PTPRO: variants seen among roughly 807,000 people sequenced by gnomAD.
PTPRO encodes protein tyrosine phosphatase receptor type O, also known as receptor-type tyrosine-protein phosphatase O.
PTPRO carries 62 observed loss-of-function variants against 145.2 expected under a neutral mutation model. The ratio of observed to expected loss-of-function variants is 0.43; its 90% CI spans 0.35 to 0.53. The LOEUF (loss-of-function observed/expected upper bound fraction) is 0.53, where lower values mean the gene tolerates loss of function less well. Ranked by LOEUF, PTPRO falls within the 20% of genes least tolerant of loss-of-function variation. PTPRO has a pLI of 0.01. For synonymous variants in PTPRO, 565 were observed against 514.7 expected, an observed-to-expected ratio of 1.10 and a Z score of -1.32; for missense variants, 1,345 against 1,482.7, an observed-to-expected ratio of 0.91 and a Z score of 1.53.
intron 1 of PTPRO, among the ~76,000 whole-genome samples, chr12:15,403,368 A>G (rs981415638): frequency 6.6e-6 from 1 of 152,056 alleles, no homozygotes; most frequent in African/African-American, 2.4e-5. Flanking sequence ...GGATCACCTG[A>G]GGTCAGGAGT....
At chr12:15,539,853 A>T (rs1943145903) in intron 12 of PTPRO, among the ~76,000 whole-genome samples, 1 of 141,348 alleles carries the variant, frequency 7.1e-6, no homozygotes, top group African/African-American at 2.6e-5. Context: ...AGAAAATTTT[A>T]TTTTTATATA....
At chr12:15,457,462 G>A (rs965565093) in intron 1 of PTPRO, among the ~76,000 whole-genome samples, 2 of 152,108 alleles carry the variant, frequency 1.3e-5, no homozygotes, top group African/African-American at 2.4e-5. Flanking sequence ...AGTCTTCATG[G>A]AGAGTTTAAT....
intron 12 of PTPRO, among the ~76,000 whole-genome samples, chr12:15,545,638 C>T (rs1490216725): frequency 6.6e-6 from 1 of 151,892 alleles, no homozygotes; most frequent in Non-Finnish European, 1.5e-5. Context: ...GCTTCCTTTA[C>T]GAATGGATTT....
At chr12:15,461,405 T>G (rs1941298508) in intron 1 of PTPRO, among the ~76,000 whole-genome samples, 1 of 152,140 alleles carries the variant, frequency 6.6e-6, no homozygotes, top group Non-Finnish European at 1.5e-5. Flanking sequence ...TGGACATATG[T>G]GCTCAGTGTC....
Position 15,546,661 on chromosome 12 carries a change from G to A in PTPRO, c.2257G>A (p.Glu753Lys). ...GGAAGAGGGAGTAGCTGATTTCTTT[G>A]AAGTTTTCTGTCAACAAGTTGGCTC... The part of the protein sequence containing the change: ...WVEEGVADFF[E>K]VFCQQVGSSQ... The change falls in exon 13 of 27, where the codon GAA (glutamate) becomes AAA (lysine). Residue 753 changes from glutamate to lysine, a missense_variant. Physicochemically the swap from Glu to Lys is moderately conservative, Grantham distance 56. This residue lies in a region of PTPRO where 1,130 missense variants were observed against 1,214.7 expected (regional missense o/e 0.93). Coordinates refer to ENST00000281171, the MANE Select transcript of PTPRO (RefSeq NM_030667.3). 1 of 1,613,952 alleles carries A rather than the reference G, an allele frequency of 6.2e-7. No individual in the cohort carries two copies. The highest frequency in any genetic ancestry group is 8.5e-7 in the Non-Finnish European group (1 of 1,179,918).
chr12:15,334,926 C>G (rs1242584912), intron 1 of PTPRO, among the ~76,000 whole-genome samples: 1 of 152,078 alleles, frequency 6.6e-6, no homozygotes, highest in Non-Finnish European at 1.5e-5. Context: ...TTACACAAGT[C>G]TCTTTCTGTC....
intron 2 of PTPRO, among the ~76,000 whole-genome samples, chr12:15,495,649 G>T (rs573423194): frequency 2.7e-4 from 41 of 151,906 alleles, no homozygotes; most frequent in African/African-American, 9.2e-4. Flanking sequence ...TGGACCACCT[G>T]GAAACACCAA....
At chr12:15,427,417 A>T (rs1356434218) in intron 1 of PTPRO, among the ~76,000 whole-genome samples, 1 of 151,986 alleles carries the variant, frequency 6.6e-6, no homozygotes, top group Non-Finnish European at 1.5e-5. Context: ...TGATATATAG[A>T]AAAACTATTA....
chr12:15,337,443 GA>G (rs1415086254), intron 1 of PTPRO: 2 of 152,114 alleles, frequency 1.3e-5, no homozygotes, highest in African/African-American at 4.8e-5. Context: ...CCTGTTCTGG[GA>G]AAACCGTGAT....
chr12:15,421,223 A>G (rs940862793), intron 1 of PTPRO, among the ~76,000 whole-genome samples: 3 of 152,208 alleles, frequency 2.0e-5, no homozygotes, highest in African/African-American at 7.2e-5. Flanking sequence ...ATACGTCTAA[A>G]TAGGATATTT....
At chr12:15,501,277 G>T (rs1012942434) in intron 4 of PTPRO, among the ~76,000 whole-genome samples, 2 of 16,088 alleles carry the variant, frequency 1.2e-4, no homozygotes, top group African/African-American at 2.7e-4. Context: ...CAGGAACAGA[G>T]ATACATTTTT....
At chr12:15,498,956 A>G (rs1180806825) in intron 3 of PTPRO, among the ~76,000 whole-genome samples, 1 of 152,100 alleles carries the variant, frequency 6.6e-6, no homozygotes, top group Admixed American at 6.6e-5. Context: ...GTGGAATCCA[A>G]ACTTTTATTA....
At chr12:15,330,464 T>C (rs1866576886) in intron 1 of PTPRO, among the ~76,000 whole-genome samples, 1 of 152,182 alleles carries the variant, frequency 6.6e-6, no homozygotes, top group Non-Finnish European at 1.5e-5. Context: ...GCTCTTGAGA[T>C]CAACTCACCT....
intron 1 of PTPRO, among the ~76,000 whole-genome samples, chr12:15,398,637 T>G (rs1939408952): frequency 6.6e-6 from 1 of 152,264 alleles, no homozygotes; most frequent in African/African-American, 2.4e-5. Flanking sequence ...GCTAAATCCC[T>G]GGAATATCTG....
At chr12:15,339,563 A>G (rs1335483862) in intron 1 of PTPRO, among the ~76,000 whole-genome samples, 1 of 152,206 alleles carries the variant, frequency 6.6e-6, no homozygotes, top group Non-Finnish European at 1.5e-5. Flanking sequence ...TGTCTTAATT[A>G]GATAAAATAA....
intron 1 of PTPRO, among the ~76,000 whole-genome samples, chr12:15,434,804 A>C (rs1008434693): frequency 1.3e-5 from 2 of 152,236 alleles, no homozygotes; most frequent in African/African-American, 4.8e-5. Context: ...TCAATGAATC[A>C]CTGATTATCA....
At chr12:15,515,462 G>A in intron 7 of PTPRO, 36 bp from the exon 8 acceptor site, 1 of 1,611,694 alleles carries the variant, frequency 6.2e-7, no homozygotes, top group Non-Finnish European at 8.5e-7. Flanking sequence ...TGAAATCCCA[G>A]CTCTAAATAA....
intron 6 of PTPRO, among the ~76,000 whole-genome samples, chr12:15,504,322 A>C (rs1942278516): frequency 6.6e-6 from 1 of 152,130 alleles, no homozygotes; most frequent in African/African-American, 2.4e-5. Flanking sequence ...CATTTATTAA[A>C]CTGACCTTTC....
At chr12:15,378,455 A>G (rs970775448) in intron 1 of PTPRO, among the ~76,000 whole-genome samples, 12 of 152,152 alleles carry the variant, frequency 7.9e-5, no homozygotes, top group African/African-American at 2.9e-4. Context: ...GATGAAACCG[A>G]TAAATTTCTA....
Sources: allele counts gnomAD v4.1 joint callset (sites outside exome capture counted in the v4.1 genomes callset), GRCh38; gene constraint gnomAD v4.1.1; regional missense constraint gnomAD v4.1.1; transcripts MANE v1.5; gene names NCBI Gene and HGNC (gene_info 2026-07-23, HGNC 2026-07-21).